BICDL1: variants seen among roughly 807,000 people sequenced by gnomAD.
The protein encoded by BICDL1 is BICD family like cargo adaptor 1, also known as BICD family-like cargo adapter 1.
In BICDL1, 20 loss-of-function variants were observed where a neutral mutation model predicts 76.8. That is an observed-to-expected ratio of 0.26 (90% CI 0.18 to 0.38). The LOEUF (loss-of-function observed/expected upper bound fraction) is 0.38, where lower values mean the gene tolerates loss of function less well. BICDL1 is among the 10% of genes least tolerant of loss of function. The pLI is 1.00. For missense variants in BICDL1, 700 were observed against 798.6 expected (o/e 0.88, Z 1.49); for synonymous variants, 383 against 337.1 (o/e 1.14, Z -1.49).
At chr12:120,038,177 G>A (rs1285184869) in intron 2 of BICDL1, among the ~76,000 whole-genome samples, 1 of 152,182 alleles carries the variant, frequency 6.6e-6, no homozygotes, top group Non-Finnish European at 1.5e-5. Flanking sequence ...CTAAAGCAGT[G>A]AGTGGTTCCT....
intron 2 of BICDL1, among the ~76,000 whole-genome samples, chr12:120,013,921 A>G (rs1952009736): frequency 6.6e-6 from 1 of 152,178 alleles, no homozygotes; most frequent in African/African-American, 2.4e-5. Flanking sequence ...AAACCCCCGC[A>G]TATTACAGTT....
At chr12:119,997,983 G>A (rs967740726) in intron 1 of BICDL1, among the ~76,000 whole-genome samples, 5 of 152,054 alleles carry the variant, frequency 3.3e-5, no homozygotes, top group East Asian at 1.9e-4. Context: ...GTGTCATGGC[G>A]CATTCCTGTA....
intron 2 of BICDL1, among the ~76,000 whole-genome samples, chr12:120,013,439 A>AGAGTGTGTGT (rs370032828): frequency 5.9e-5 from 8 of 134,802 alleles, no homozygotes; most frequent in African/African-American, 2.2e-4. Flanking sequence ...CTTTAACCAG[A>AGAGTGTGTGT]GTGTGTGTGT....
chr12:120,053,181 G>A (rs987394768), intron 2 of BICDL1, among the ~76,000 whole-genome samples: 3 of 151,742 alleles, frequency 2.0e-5, no homozygotes, highest in African/African-American at 4.8e-5. Context: ...CTGGGTTCAA[G>A]CGAAGCAATT....
At chr12:120,087,851 G>A (rs1455035612) in intron 8 of BICDL1, among the ~76,000 whole-genome samples, 4 of 150,398 alleles carry the variant, frequency 2.7e-5, no homozygotes, top group Non-Finnish European at 2.9e-5. Context: ...AAATAATGTC[G>A]GAGGAGTTAC....
At chr12:120,081,942 CACAAT>C (rs1438208528) in intron 8 of BICDL1, among the ~76,000 whole-genome samples, 5 of 144,970 alleles carry the variant, frequency 3.4e-5, no homozygotes, top group Admixed American at 6.8e-5. Context: ...AAAAAAAAAA[CACAAT>C]ACAATGATCA....
chr12:120,033,019 A>G (rs993138760), intron 2 of BICDL1, among the ~76,000 whole-genome samples: 1 of 152,176 alleles, frequency 6.6e-6, no homozygotes, highest in South Asian at 2.1e-4. Context: ...TGCTGGGATT[A>G]CAGGCGTGAG....
chr12:119,997,070 TC>T (rs1951665445), intron 1 of BICDL1, among the ~76,000 whole-genome samples: 1 of 151,600 alleles, frequency 6.6e-6, no homozygotes, highest in South Asian at 2.1e-4. Context: ...TGCCTCAGCC[TC>T]CTGGGTAGCT....
chr12:120,050,384 A>G (rs953982785), intron 2 of BICDL1, among the ~76,000 whole-genome samples: 1 of 150,676 alleles, frequency 6.6e-6, no homozygotes, highest in African/African-American at 2.5e-5. Context: ...CTCCTGCCTC[A>G]GCCTCCCAAG....
intron 7 of BICDL1, among the ~76,000 whole-genome samples, chr12:120,075,033 C>T (rs1873425566): frequency 6.6e-6 from 1 of 152,228 alleles, no homozygotes; most frequent in African/African-American, 2.4e-5. Context: ...TACTGCTACC[C>T]TTGCTGTTCC....
intron 2 of BICDL1, among the ~76,000 whole-genome samples, chr12:120,014,813 G>T (rs1192687257): frequency 6.6e-6 from 1 of 151,318 alleles, no homozygotes; most frequent in African/African-American, 2.4e-5. Context: ...GGGCAACATG[G>T]TGAGACTCCC....
In BICDL1 at chr12:119,998,595, A is replaced by C. The variant is rs558886969; in HGVS notation, c.504A>C (p.Ser168=). The change falls in exon 2 of 10, where the codon TCA becomes TCC. Residue 168 remains serine (S), a synonymous_variant. Coordinates refer to ENST00000548673, the MANE Select transcript of BICDL1 (RefSeq NM_001367886.1). ...NREGEWEGRV[S]ELESDVKQLQ... ...AAGGGGAGTGGGAAGGCCGAGTGTC[A>C]GAGCTGGAGAGTGATGTGAAGCAGC... 2 of 1,614,072 alleles carry C rather than the reference A, an allele frequency of 1.2e-6. No individual in the cohort carries two copies. Among genetic ancestry groups the C allele is most frequent in the South Asian group, 2.2e-5 (2 of 91,054 alleles).
In BICDL1 at chr12:120,094,479, A is replaced by G; in HGVS notation, c.*1318A>G. The stretch of plus-strand genomic sequence containing the variant: ...TTGAAAATAGTCTGAATAAGAATAA[A>G]ATGAATTTCTACAGAGCTTCCTGCC... On this transcript the variant is annotated 3_prime_UTR_variant, in exon 10 of 10. Coordinates refer to ENST00000548673, the MANE Select transcript of BICDL1 (RefSeq NM_001367886.1). 1 of 300,524 alleles carries G rather than the reference A, an allele frequency of 3.3e-6. No homozygotes were observed. Among genetic ancestry groups the G allele is most frequent in the Non-Finnish European group, 6.8e-6 (1 of 148,070 alleles). The allele number at this position is 300,524 out of a possible 1,614,324, so 18.6% of individuals were successfully genotyped here. A position where few individuals can be genotyped will look rare whatever the true frequency, so the allele number is the denominator to read the frequency against.
At chr12:119,991,818 T>A (rs1951530221) in intron 1 of BICDL1, among the ~76,000 whole-genome samples, 2 of 152,198 alleles carry the variant, frequency 1.3e-5, no homozygotes, top group Admixed American at 1.3e-4. Context: ...GGGTTCCATG[T>A]GGAGCCTTTA....
intron 2 of BICDL1, among the ~76,000 whole-genome samples, chr12:120,002,841 G>A (rs900152195): frequency 3.3e-5 from 5 of 152,060 alleles, no homozygotes; most frequent in African/African-American, 1.2e-4. Flanking sequence ...AGAAAGCAGG[G>A]AGCTTTTTCT....
Position 119,990,521 on chromosome 12 carries a change from C to G in BICDL1, c.429+224C>G, listed in dbSNP as rs140515859. Among the ~76,000 whole-genome samples the G allele has an allele frequency of 8.5e-4, 130 of 152,226 alleles. 1 individual carries two copies. The highest frequency in any genetic ancestry group is 5.9e-3 in the Admixed American group (91 of 15,298). ...AAATGGGTCCATGCGTGGCTCCAGCCGCTGTGGGCCGTTCTATATACGTAC... is the reference window on the plus strand; with the variant it reads ...AAATGGGTCCATGCGTGGCTCCAGCGGCTGTGGGCCGTTCTATATACGTAC... On this transcript the variant is annotated intron_variant, in intron 1 of 9. Coordinates refer to ENST00000548673, the MANE Select transcript of BICDL1 (RefSeq NM_001367886.1).
intron 7 of BICDL1, among the ~76,000 whole-genome samples, chr12:120,075,927 G>A (rs542139021): frequency 1.3e-5 from 2 of 152,228 alleles, no homozygotes; most frequent in Non-Finnish European, 2.9e-5. Flanking sequence ...GGGAGGCCAA[G>A]GCAGGTGGAT....
At chr12:120,036,681 G>T (rs531062250) in intron 2 of BICDL1, among the ~76,000 whole-genome samples, 1 of 152,262 alleles carries the variant, frequency 6.6e-6, no homozygotes, top group Admixed American at 6.5e-5. Context: ...TTCAAGACCA[G>T]CCTGGCCAAC....
intron 2 of BICDL1, among the ~76,000 whole-genome samples, chr12:120,012,495 C>T (rs1951973938): frequency 6.6e-6 from 1 of 152,182 alleles, no homozygotes; most frequent in South Asian, 2.1e-4. Flanking sequence ...CGGCTTTTCA[C>T]ATTGTCCCAG....
Sources: gnomAD v4.1 joint callset for allele counts (sites outside exome capture counted in the v4.1 genomes callset) on GRCh38, gnomAD v4.1.1 for gene constraint, MANE v1.5 for transcripts, NCBI Gene and HGNC (gene_info 2026-07-23, HGNC 2026-07-21) for gene names.